The following MACC1 variants were observed in gnomAD, a reference collection of about 807,000 sequenced individuals.
The protein encoded by MACC1 is metastasis-associated in colon cancer protein 1.
Under a neutral mutation model 70.7 loss-of-function variants are expected in MACC1, and 79 were observed. The observed-to-expected ratio is 1.12, with a 90% CI of 0.93 to 1.35. The LOEUF is 1.35. Ranked by LOEUF, MACC1 falls within the 40% of genes most tolerant of loss-of-function variation. MACC1 has a pLI of 0.00. For synonymous variants in MACC1, 361 were observed against 347.2 expected, an observed-to-expected ratio of 1.04 and a Z score of -0.44; for missense variants, 1,106 against 978.1, an observed-to-expected ratio of 1.13 and a Z score of -1.74.
chr7:20,155,886 A>T (rs1281100558), intron 5 of MACC1, among the ~76,000 whole-genome samples: 1 of 152,184 alleles, frequency 6.6e-6, no homozygotes, highest in Non-Finnish European at 1.5e-5. Context: ...TAGGGAAAAG[A>T]TCTGTACTTG....
intron 6 of MACC1, among the ~76,000 whole-genome samples, chr7:20,143,982 CTG>C (rs1476598969): frequency 6.6e-6 from 1 of 152,182 alleles, no homozygotes; most frequent in African/African-American, 2.4e-5. Flanking sequence ...TGAGCATACT[CTG>C]TATTCCATTT....
chr7:20,162,403 G>T (rs1415913372), intron 3 of MACC1, among the ~76,000 whole-genome samples: 1 of 152,076 alleles, frequency 6.6e-6, no homozygotes, highest in Non-Finnish European at 1.5e-5. Context: ...TTTGAAGCAT[G>T]TTGTTTAACA....
At chr7:20,199,300 G>A (rs1014094800) in intron 1 of MACC1, among the ~76,000 whole-genome samples, 7 of 152,264 alleles carry the variant, frequency 4.6e-5, no homozygotes, top group Admixed American at 3.3e-4. Context: ...CACAGATAAA[G>A]AGTTGGCAAG....
intron 5 of MACC1, among the ~76,000 whole-genome samples, chr7:20,156,626 G>A (rs1201345696): frequency 6.6e-6 from 1 of 152,178 alleles, no homozygotes; most frequent in African/African-American, 2.4e-5. Flanking sequence ...CAATAGTTCT[G>A]AATGTCCCAG....
In MACC1 at chr7:20,160,020, T is replaced by A; in HGVS notation, c.341A>T (p.Asp114Val). 7 of 1,611,496 alleles carry A rather than the reference T, an allele frequency of 4.3e-6. No individual in the cohort carries two copies. Among genetic ancestry groups the A allele is most frequent in the Non-Finnish European group, 5.9e-6 (7 of 1,179,204 alleles). ...CACATCAAGTTCATCACCGGAGGAA[T>A]CAAAAGAATTTCCATTTTCTATTTC... is the stretch of plus-strand genomic sequence containing the variant. Reference protein sequence around the residue: ...CREIENGNSFDSSGDELDVHQ... With the variant: ...CREIENGNSFVSSGDELDVHQ... Residue 114 changes from aspartate (D) to valine (V), a missense_variant, in exon 5 of 7, where the codon GAT becomes GTT. Transcript: ENST00000400331.
At chr7:20,196,621 G>C (rs1333673208) in intron 1 of MACC1, among the ~76,000 whole-genome samples, 1 of 151,878 alleles carries the variant, frequency 6.6e-6, no homozygotes, top group Non-Finnish European at 1.5e-5. Flanking sequence ...GTATATATCT[G>C]TATGCATGCA....
At chr7:20,186,967 T>A (rs539050097) in intron 1 of MACC1, among the ~76,000 whole-genome samples, 4 of 152,298 alleles carry the variant, frequency 2.6e-5, no homozygotes, top group Non-Finnish European at 5.9e-5. Flanking sequence ...ATTACTATCA[T>A]GTTTTATAAA....
intron 1 of MACC1, among the ~76,000 whole-genome samples, chr7:20,171,336 C>T (rs1782303233): frequency 6.6e-6 from 1 of 151,302 alleles, no homozygotes; most frequent in African/African-American, 2.4e-5. Context: ...ACTGCAAGCT[C>T]CGCCTCCCAG....
intron 1 of MACC1, among the ~76,000 whole-genome samples, chr7:20,179,339 T>A (rs1782464337): frequency 6.6e-6 from 1 of 152,234 alleles, no homozygotes; most frequent in Non-Finnish European, 1.5e-5. Context: ...TATGGCTGTG[T>A]TAGATATATT....
rs147085995 is a variant in MACC1, at chr7:20,164,815, C to T, written c.-152-416G>A. On this transcript the variant is annotated intron_variant, in intron 2 of 6. Transcript: ENST00000400331. ...TAACAAACTAAATTAAAATGAGGAA[C>T]AAATGTCTAAATGGAAAACTATTTT... 2.8e-3 allele frequency among the ~76,000 whole-genome samples: 417 copies of T among 151,312 alleles called. 2 individuals carry two copies. Among genetic ancestry groups the T allele is most frequent in the African/African-American group, 9.7e-3 (402 of 41,264 alleles).
At chr7:20,178,741 C>G (rs1782453087) in intron 1 of MACC1, among the ~76,000 whole-genome samples, 1 of 152,142 alleles carries the variant, frequency 6.6e-6, no homozygotes, top group Non-Finnish European at 1.5e-5. Context: ...GCTGGGATTA[C>G]AGGCATGCAC....
intron 1 of MACC1, among the ~76,000 whole-genome samples, chr7:20,187,802 C>G (rs960013666): frequency 3.3e-5 from 5 of 152,162 alleles, no homozygotes; most frequent in Non-Finnish European, 5.9e-5. Context: ...TGTGGAATCT[C>G]CAACACCCTT....
chr7:20,162,363 T>C (rs967156724), intron 3 of MACC1, among the ~76,000 whole-genome samples: 3 of 152,170 alleles, frequency 2.0e-5, no homozygotes, highest in Non-Finnish European at 2.9e-5. Flanking sequence ...TGGATAAAAT[T>C]GTATGTATTT....
rs575196651 is a variant in MACC1 at position 20,138,685 on chromosome 7, C to CT, written c.*2260dup. ...ATACTGAAAGCCGTACAGATTATTC[C>CT]TTTTTTTTTTTTTGAGACAGCCTGT... On this transcript the variant is annotated 3_prime_UTR_variant, in exon 7 of 7. Transcript: ENST00000400331. 0.035 allele frequency: 5,105 copies of CT among 144,192 alleles called. 153 individuals carry two copies. The highest frequency in any genetic ancestry group is 0.087 in the African/African-American group (3,424 of 39,570). The allele number at this position is 144,192 out of a possible 1,614,324, so 8.9% of individuals were successfully genotyped here.
At chr7:20,156,269 AC>A (rs1782053419) in intron 5 of MACC1, among the ~76,000 whole-genome samples, 1 of 152,214 alleles carries the variant, frequency 6.6e-6, no homozygotes, top group African/African-American at 2.4e-5. Context: ...CAGTCAGAGA[AC>A]CAGGCCTGAG....
intron 1 of MACC1, among the ~76,000 whole-genome samples, chr7:20,181,671 C>T (rs1782509778): frequency 2.0e-5 from 3 of 151,830 alleles, no homozygotes; most frequent in Non-Finnish European, 4.4e-5. Context: ...TCTCTTATAC[C>T]ACAATTAATG....
chr7:20,173,831 G>A (rs1047620540), intron 1 of MACC1, among the ~76,000 whole-genome samples: 1 of 152,136 alleles, frequency 6.6e-6, no homozygotes, highest in African/African-American at 2.4e-5. Context: ...ATGCTCTTGG[G>A]TATGATGGGG....
At chr7:20,197,877 T>C (rs1280346469) in intron 1 of MACC1, among the ~76,000 whole-genome samples, 1 of 152,228 alleles carries the variant, frequency 6.6e-6, no homozygotes, top group Non-Finnish European at 1.5e-5. Context: ...ATTGTTTTTA[T>C]TTTTATTTTT....
intron 5 of MACC1, 98 bp from the exon 6 acceptor site, chr7:20,154,479 C>CT (rs1436321724): frequency 6.2e-5 from 76 of 1,229,808 alleles, no homozygotes; most frequent in East Asian, 2.3e-4. Context: ...AATGGGAGTC[C>CT]TTTTTTTTCA....
Sources: allele counts gnomAD v4.1 joint callset (sites outside exome capture counted in the v4.1 genomes callset), GRCh38; gene constraint gnomAD v4.1.1; transcripts MANE v1.5; gene names NCBI Gene and HGNC (gene_info 2026-07-23, HGNC 2026-07-21).